Variants in RANBP3L observed in about 807,000 individuals in gnomAD.
RANBP3L encodes the protein RAN binding protein 3 like.
Under a neutral mutation model 67.2 loss-of-function variants are expected in RANBP3L, and 56 were observed. That is an observed-to-expected ratio of 0.83 (90% confidence interval 0.67 to 1.04). RANBP3L has a LOEUF of 1.04. Among genes scored for constraint, RANBP3L ranks in the 50% least tolerant of loss-of-function variants. The probability of loss-of-function intolerance (pLI) is 0.00; values close to 1 mark genes in which losing one functional copy is unlikely to be tolerated. For missense variants in RANBP3L, 496 were observed against 535.5 expected (o/e 0.93, Z 0.73); for synonymous variants, 164 against 181.4 (o/e 0.90, Z 0.77).
At chr5:36,301,267 T>G (rs884692) in intron 1 of RANBP3L, 59 bp downstream of exon 1, 899,063 of 1,288,740 alleles carry the variant, frequency 0.7, 318,853 homozygotes, top group African/African-American at 0.89. Flanking sequence ...CCATTCTTCC[T>G]GGAATGCAAA....
chr5:36,262,846 T>C (rs778535113), intron 6 of RANBP3L, among the ~76,000 whole-genome samples: 1 of 152,198 alleles, frequency 6.6e-6, no homozygotes, highest in African/African-American at 2.4e-5. Context: ...AAGTACATGC[T>C]CATTACCTAG....
At chr5:36,284,541 A>C (rs1385894533) in intron 1 of RANBP3L, among the ~76,000 whole-genome samples, 1 of 152,212 alleles carries the variant, frequency 6.6e-6, no homozygotes, top group Non-Finnish European at 1.5e-5. Flanking sequence ...GAATTATAAT[A>C]GTGACTATTA....
At chr5:36,263,665 T>G (rs1164305774) in intron 6 of RANBP3L, among the ~76,000 whole-genome samples, 1 of 152,198 alleles carries the variant, frequency 6.6e-6, no homozygotes, top group African/African-American at 2.4e-5. Flanking sequence ...AAGCTAGGAC[T>G]ACAGGCACAT....
chr5:36,295,071 A>G (rs192522110), intron 1 of RANBP3L, among the ~76,000 whole-genome samples: 2 of 151,868 alleles, frequency 1.3e-5, no homozygotes, highest in African/African-American at 2.4e-5. Flanking sequence ...ATTGTGAATA[A>G]TACTACCATG....
chr5:36,301,548 A>G lies in RANBP3L; in HGVS notation c.-132T>C, dbSNP rs188999878. 6.4e-4 allele frequency: 371 copies of G among 583,204 alleles called. 1 individual carries two copies. The highest frequency in any genetic ancestry group is 5.5e-3 in the African/African-American group (299 of 54,814). The allele number at this position is 583,204 out of a possible 1,614,324, so 36.1% of individuals were successfully genotyped here. The stretch of plus-strand genomic sequence containing the variant: ...CAGATCTTGTCTTTGCATGTACAAC[A>G]TATACTCCTCTACTAAACTTCCAAG... On this transcript the variant is annotated 5_prime_UTR_variant, in exon 1 of 14. An upstream start codon of the reference 5' UTR is lost. Coordinates refer to ENST00000296604, the MANE Select transcript of RANBP3L (RefSeq NM_145000.5).
At chr5:36,290,951 G>GA (rs1751705276) in intron 1 of RANBP3L, among the ~76,000 whole-genome samples, 1 of 119,962 alleles carries the variant, frequency 8.3e-6, no homozygotes, top group Admixed American at 9.5e-5. Flanking sequence ...TCACCATGTT[G>GA]GCCAGGATGG....
At chr5:36,295,680 T>G (rs970896318) in intron 1 of RANBP3L, among the ~76,000 whole-genome samples, 18 of 150,844 alleles carry the variant, frequency 1.2e-4, no homozygotes, top group African/African-American at 4.4e-4. Flanking sequence ...CCTGTTTTTT[T>G]TTTTTTTTTT....
intron 1 of RANBP3L, among the ~76,000 whole-genome samples, chr5:36,273,319 G>T (rs1482939957): frequency 6.6e-6 from 1 of 152,086 alleles, no homozygotes; most frequent in African/African-American, 2.4e-5. Context: ...GTGCAAAAGT[G>T]ATCTTCAATG....
chr5:36,295,476 C>A (rs762536121), intron 1 of RANBP3L, among the ~76,000 whole-genome samples: 1 of 152,106 alleles, frequency 6.6e-6, no homozygotes, highest in Non-Finnish European at 1.5e-5. Flanking sequence ...AAGGCCTCCC[C>A]AGCCCTGTGG....
chr5:36,299,441 C>T (rs1386007237), intron 1 of RANBP3L, among the ~76,000 whole-genome samples: 1 of 151,300 alleles, frequency 6.6e-6, no homozygotes, highest in East Asian at 1.9e-4. Context: ...TTCAGGATAG[C>T]CTGGCTTAAA....
At chr5:36,252,669 A>C (rs1040890446) in intron 12 of RANBP3L, among the ~76,000 whole-genome samples, 1 of 152,108 alleles carries the variant, frequency 6.6e-6, no homozygotes, top group Non-Finnish European at 1.5e-5. Context: ...TGAAGATGGA[A>C]TCTAGTCATG....
chr5:36,298,794 C>T (rs925882994), intron 1 of RANBP3L, among the ~76,000 whole-genome samples: 1 of 152,172 alleles, frequency 6.6e-6, no homozygotes, highest in African/African-American at 2.4e-5. Flanking sequence ...GCTTTCAAAA[C>T]ATTCTAGGCA....
intron 11 of RANBP3L, among the ~76,000 whole-genome samples, chr5:36,254,696 A>C (rs895035517): frequency 2.6e-5 from 4 of 152,046 alleles, no homozygotes; most frequent in Admixed American, 6.6e-5. Context: ...CCAAAACTCA[A>C]CAAATAACCT....
At chr5:36,301,249 C>A in intron 1 of RANBP3L, 77 bp downstream of exon 1, 1 of 1,105,814 alleles carries the variant, frequency 9.0e-7, no homozygotes, top group Non-Finnish European at 1.4e-6. Context: ...GGGTCCTTCA[C>A]CAGCCCACCA....
At chr5:36,257,663 A>C (rs1303942329) in intron 8 of RANBP3L, 107 bp from the exon 9 acceptor site, 2 of 480,610 alleles carry the variant, frequency 4.2e-6, no homozygotes, top group Non-Finnish European at 7.5e-6. Context: ...CACAGCAAGC[A>C]AACCTAGCTG....
chr5:36,261,808 A>G (rs1749411154), intron 7 of RANBP3L, 131 bp downstream of exon 7: 1 of 501,404 alleles, frequency 2.0e-6, no homozygotes, highest in African/African-American at 2.0e-5. Flanking sequence ...GTTTCCTATA[A>G]AATCTCCTTT....
intron 4 of RANBP3L, chr5:36,268,205 G>A (rs1749946175): frequency 6.5e-7 from 1 of 1,537,472 alleles, no homozygotes; most frequent in Non-Finnish European, 8.8e-7. Flanking sequence ...GGCCCAGAAT[G>A]GGGGAAGGTT....
At chr5:36,293,345 A>G (rs908935556) in intron 1 of RANBP3L, among the ~76,000 whole-genome samples, 2 of 57,730 alleles carry the variant, frequency 3.5e-5, no homozygotes, top group Admixed American at 3.5e-4. Context: ...TGTCATCTGC[A>G]AACAGGGACA....
intron 1 of RANBP3L, among the ~76,000 whole-genome samples, chr5:36,279,904 T>G (rs1750853854): frequency 1.3e-5 from 2 of 152,168 alleles, no homozygotes; most frequent in Admixed American, 1.3e-4. Flanking sequence ...TCCTCTTTTC[T>G]CATCAATACC....
Sources: gnomAD v4.1 joint callset for allele counts (sites outside exome capture counted in the v4.1 genomes callset) on GRCh38, gnomAD v4.1.1 for gene constraint, MANE v1.5 for transcripts, NCBI Gene and HGNC (gene_info 2026-07-23, HGNC 2026-07-21) for gene names.